Variants in ENPEP observed in about 807,000 individuals in gnomAD.
ENPEP encodes AP-A.
ENPEP carries 103 observed loss-of-function variants against 114.5 expected under a neutral mutation model. The ratio of observed to expected loss-of-function variants is 0.90; its 90% CI spans 0.77 to 1.06. The LOEUF is 1.06. Ranked by LOEUF, ENPEP falls within the 50% of genes least tolerant of loss-of-function variation. The pLI is 0.00. For missense variants in ENPEP, 1,196 were observed against 1,161.3 expected (o/e 1.03, Z -0.43); for synonymous variants, 420 against 422.0 (o/e 1.00, Z 0.06).
chr4:110,521,139 G>C (rs760369700), intron 10 of ENPEP, among the ~76,000 whole-genome samples: 8 of 152,154 alleles, frequency 5.3e-5, no homozygotes, highest in Non-Finnish European at 8.8e-5. Context: ...CTGCTCAGCA[G>C]AGAAACTTAC....
chr4:110,490,969 G>C (rs535983534), intron 2 of ENPEP, 64 bp from the exon 3 acceptor site: 1 of 1,522,152 alleles, frequency 6.6e-7, no homozygotes, highest in Non-Finnish European at 8.8e-7. Flanking sequence ...CCGTTTATTT[G>C]TTTGTCTTGC....
intron 10 of ENPEP, among the ~76,000 whole-genome samples, chr4:110,524,204 C>T (rs761475978): frequency 6.6e-6 from 1 of 151,798 alleles, no homozygotes; most frequent in Non-Finnish European, 1.5e-5. Flanking sequence ...ATTTAAAGTC[C>T]AATTAGACTA....
chr4:110,489,503 C>T (rs1472192427), intron 2 of ENPEP, among the ~76,000 whole-genome samples: 1 of 151,824 alleles, frequency 6.6e-6, no homozygotes, highest in Non-Finnish European at 1.5e-5. Flanking sequence ...CACGTGTATA[C>T]CTATGTAACA....
At chr4:110,536,214 G>A (rs1230749966) in intron 11 of ENPEP, among the ~76,000 whole-genome samples, 1 of 151,924 alleles carries the variant, frequency 6.6e-6, no homozygotes, top group African/African-American at 2.4e-5. Context: ...GCATTAGCCA[G>A]GTGAGTCTAA....
chr4:110,531,372 T>C (rs1560565093), intron 11 of ENPEP, 95 bp downstream of exon 11: 9 of 995,194 alleles, frequency 9.0e-6, no homozygotes, highest in Non-Finnish European at 1.1e-5. Context: ...CTGGAACTTA[T>C]GTAAACTTCA....
At chr4:110,518,468 T>C (rs1425044448) in intron 8 of ENPEP, among the ~76,000 whole-genome samples, 1 of 152,196 alleles carries the variant, frequency 6.6e-6, no homozygotes, top group Non-Finnish European at 1.5e-5. Context: ...ACTTGAATGA[T>C]TACATGATTA....
intron 7 of ENPEP, among the ~76,000 whole-genome samples, 192 bp from the exon 8 acceptor site, chr4:110,515,185 T>A (rs946474012): frequency 6.6e-6 from 1 of 152,198 alleles, no homozygotes; most frequent in Non-Finnish European, 1.5e-5. Flanking sequence ...TTATTTTAGA[T>A]GCATAGATAC....
At chr4:110,527,287 C>T (rs938413370) in intron 10 of ENPEP, among the ~76,000 whole-genome samples, 3 of 152,136 alleles carry the variant, frequency 2.0e-5, no homozygotes, top group South Asian at 2.1e-4. Context: ...GGCTCATTTC[C>T]GGCCTCTCTT....
chr4:110,476,865 T>G lies in ENPEP; in HGVS notation c.451T>G (p.Ser151Ala). Residue 151 changes from serine to alanine, a missense_variant, in exon 1 of 20, where the codon TCT (serine) becomes GCT (alanine). Ser to Ala is a moderately conservative substitution (Grantham distance 99). Coordinates refer to ENST00000265162, the MANE Select transcript of ENPEP (RefSeq NM_001977.4). ...ITRLPELKRP[S>A]GDQVQVRRCF... ...CCGGCTCCCGGAGCTGAAGAGGCCC[T>G]CTGGGGACCAGGTGCAAGTCCGGAG... 1 of 1,614,086 alleles carries G rather than the reference T, an allele frequency of 6.2e-7. No individual in the cohort carries two copies. Among genetic ancestry groups the G allele is most frequent in the Non-Finnish European group, 8.5e-7 (1 of 1,180,010 alleles).
chr4:110,481,213 G>C (rs1317067723), intron 1 of ENPEP, among the ~76,000 whole-genome samples: 1 of 151,940 alleles, frequency 6.6e-6, no homozygotes, highest in Non-Finnish European at 1.5e-5. Flanking sequence ...AATACAAAAT[G>C]ATCTGTTTTG....
intron 13 of ENPEP, among the ~76,000 whole-genome samples, chr4:110,546,195 C>T (rs1300452919): frequency 6.6e-6 from 1 of 151,994 alleles, no homozygotes; most frequent in Non-Finnish European, 1.5e-5. Context: ...AAGAGCCACA[C>T]AGTCTTGTTC....
At chr4:110,517,098 C>A (rs1725803705) in intron 8 of ENPEP, among the ~76,000 whole-genome samples, 1 of 152,048 alleles carries the variant, frequency 6.6e-6, no homozygotes, top group Non-Finnish European at 1.5e-5. Flanking sequence ...CACCACCACA[C>A]CCGGCTAATT....
chr4:110,511,211 A>G (rs1023068570), intron 6 of ENPEP, among the ~76,000 whole-genome samples: 8 of 152,250 alleles, frequency 5.3e-5, no homozygotes, highest in African/African-American at 1.7e-4. Context: ...CCTGCTTTAC[A>G]AAGCGAAAAG....
intron 10 of ENPEP, among the ~76,000 whole-genome samples, chr4:110,530,090 A>G (rs1258712291): frequency 4.2e-5 from 6 of 143,870 alleles, no homozygotes; most frequent in African/African-American, 1.5e-4. Context: ...AGAAAAAAAA[A>G]GAGAGAAAGG....
intron 3 of ENPEP, among the ~76,000 whole-genome samples, chr4:110,503,867 G>A (rs1016418430): frequency 1.3e-5 from 2 of 152,214 alleles, no homozygotes; most frequent in African/African-American, 4.8e-5. Flanking sequence ...TGAAGTTTGG[G>A]CTATGATCCA....
In ENPEP at chr4:110,562,447, G is replaced by C. The variant is rs1480757915; in HGVS notation, c.*889G>C. On this transcript the variant is annotated 3_prime_UTR_variant, in exon 20 of 20. Transcript: ENST00000265162. ...GAAAAAAGCTAAATAATTGGAAACTGTTCAGGAAAGAGAGAAGGCAGATTA... is the reference window on the plus strand; with the variant it reads ...GAAAAAAGCTAAATAATTGGAAACTCTTCAGGAAAGAGAGAAGGCAGATTA... 1 of 152,102 alleles carries C rather than the reference G, an allele frequency of 6.6e-6. No individual in the cohort carries two copies. Among genetic ancestry groups the C allele is most frequent in the Non-Finnish European group, 1.5e-5 (1 of 68,006 alleles). The allele number at this position is 152,102 out of a possible 1,614,324, so 9.4% of individuals were successfully genotyped here. A position where few individuals can be genotyped will look rare whatever the true frequency, so the allele number is the denominator to read the frequency against.
intron 4 of ENPEP, among the ~76,000 whole-genome samples, chr4:110,508,255 A>G (rs1359529380): frequency 7.2e-6 from 1 of 139,666 alleles, no homozygotes; most frequent in African/African-American, 2.7e-5. Flanking sequence ...GTTAGTTACA[A>G]TGCCAGTACT....
intron 1 of ENPEP, among the ~76,000 whole-genome samples, chr4:110,486,049 C>G (rs1288798877): frequency 5.9e-5 from 9 of 152,114 alleles, no homozygotes; most frequent in Non-Finnish European, 1.5e-5. Flanking sequence ...CCTCACCAAA[C>G]TTTCACCCCC....
chr4:110,505,022 A>G (rs936260076), intron 3 of ENPEP, among the ~76,000 whole-genome samples: 25 of 152,246 alleles, frequency 1.6e-4, no homozygotes, highest in Non-Finnish European at 1.0e-4. Flanking sequence ...TGCAGAGAAC[A>G]GATGTGATAG....
Sources: allele counts gnomAD v4.1 joint callset (sites outside exome capture counted in the v4.1 genomes callset), GRCh38; gene constraint gnomAD v4.1.1; transcripts MANE v1.5; gene names NCBI Gene and HGNC (gene_info 2026-07-23, HGNC 2026-07-21).